RANBP1: variants seen among roughly 807,000 people sequenced by gnomAD.
RANBP1 encodes the protein RAN binding protein 1.
RANBP1 carries 16 observed loss-of-function variants against 31.4 expected under a neutral mutation model. The ratio of observed to expected loss-of-function variants is 0.51; its 90% confidence interval spans 0.34 to 0.77. The LOEUF (loss-of-function observed/expected upper bound fraction) is 0.77, where lower values mean the gene tolerates loss of function less well. Ranked by LOEUF, RANBP1 falls within the 30% of genes least tolerant of loss-of-function variation. RANBP1 has a pLI of 0.01. For missense variants in RANBP1, 265 were observed against 362.0 expected (o/e 0.73, Z 2.17); for synonymous variants, 129 against 140.5 (o/e 0.92, Z 0.58).
At chr22:20,118,225 T>A (rs1020897453) in intron 1 of RANBP1, 2 of 1,002,378 alleles carry the variant, frequency 2.0e-6, no homozygotes, top group African/African-American at 3.5e-5. Flanking sequence ...TGGGGAACAG[T>A]GAAGAGCAGC....
At chr22:20,126,187 A>T in intron 4 of RANBP1, 116 bp from the exon 5 acceptor site, 2 of 1,218,578 alleles carry the variant, frequency 1.6e-6, no homozygotes, top group Non-Finnish European at 2.3e-6. Flanking sequence ...GTCCTTTCTT[A>T]GGTCAGCAAT....
chr22:20,122,554 T>C lies in RANBP1; in HGVS notation c.541+133T>C. 2.6e-6 allele frequency: 4 copies of C among 1,560,538 alleles called. No individual in the cohort carries two copies. In the South Asian group the frequency reaches 4.7e-5, roughly 18 times the overall value. Reference sequence around the variant, plus strand: ...GCAAGTTTGTGGTGTGTTTGTTGAATTTAAAACCAGAAATACGTTTTTCAG... The same window carrying C: ...GCAAGTTTGTGGTGTGTTTGTTGAACTTAAAACCAGAAATACGTTTTTCAG... On this transcript the variant is annotated intron_variant, in intron 3 of 5. Transcript: ENST00000430524.
intron 1 of RANBP1, chr22:20,116,679 C>T: frequency 5.3e-6 from 8 of 1,496,074 alleles, no homozygotes; most frequent in Non-Finnish European, 7.1e-6. Flanking sequence ...CCCAAGCTTC[C>T]TTATGGGACA....
intron 2 of RANBP1, chr22:20,119,367 C>G: frequency 1.8e-6 from 1 of 553,446 alleles, no homozygotes; most frequent in Non-Finnish European, 3.2e-6. Context: ...GAAGGGCATC[C>G]CATCTTGCTG....
intron 1 of RANBP1, chr22:20,118,402 G>A: frequency 1.1e-6 from 1 of 948,586 alleles, no homozygotes; most frequent in Non-Finnish European, 1.3e-6. Context: ...GACTTTCACC[G>A]GTACAATTTA....
At chr22:20,121,655 C>T (rs2050174327) in intron 2 of RANBP1, among the ~76,000 whole-genome samples, 1 of 152,204 alleles carries the variant, frequency 6.6e-6, no homozygotes, top group Admixed American at 6.5e-5. Context: ...AGGGATCCTC[C>T]TCCCTCTGCC....
chr22:20,125,522 C>T (rs2050276259), intron 4 of RANBP1, 86 bp downstream of exon 4: 3 of 1,546,324 alleles, frequency 1.9e-6, no homozygotes, highest in East Asian at 2.4e-5. Flanking sequence ...ATGCTGTTGC[C>T]TTTTGGGGAG....
chr22:20,118,180 G>A, intron 1 of RANBP1: 1 of 1,002,058 alleles, frequency 1.0e-6, no homozygotes, highest in Non-Finnish European at 1.2e-6. Flanking sequence ...TGCGGTGTCT[G>A]GTTGAGTGCG....
At chr22:20,119,332 C>T in intron 2 of RANBP1, 183 bp downstream of exon 2, 1 of 610,498 alleles carries the variant, frequency 1.6e-6, no homozygotes, top group Non-Finnish European at 2.9e-6. Flanking sequence ...ACCAGATGCC[C>T]TTGCTGCCCT....
intron 1 of RANBP1, chr22:20,117,856 T>G (rs2050076356): frequency 9.9e-7 from 1 of 1,008,170 alleles, no homozygotes; most frequent in East Asian, 1.0e-4. Context: ...TTGGGGCGTT[T>G]GGGGGTGCAG....
chr22:20,124,826 A>AG (rs2050261135), intron 3 of RANBP1: 2 of 174,848 alleles, frequency 1.1e-5, no homozygotes, highest in Non-Finnish European at 2.4e-5. Context: ...GGGTTCCCTT[A>AG]GGAAAGACTG....
At chr22:20,122,200 TCCTGCGCAGGC>T in intron 2 of RANBP1, 53 bp from the exon 3 acceptor site, 1 of 1,568,458 alleles carries the variant, frequency 6.4e-7, no homozygotes, top group Admixed American at 1.7e-5. Context: ...TCCTGTGTCC[TCCTGCGCAGGC>T]CCTGCATGTG....
intron 1 of RANBP1, 164 bp downstream of exon 1, chr22:20,116,594 T>A: frequency 6.5e-7 from 1 of 1,548,172 alleles, no homozygotes; most frequent in Non-Finnish European, 8.7e-7. Context: ...TGGCCACAGC[T>A]CTCCATGGGC....
At chr22:20,122,505 G>T in intron 3 of RANBP1, 84 bp downstream of exon 3, 1 of 1,601,456 alleles carries the variant, frequency 6.2e-7, no homozygotes, top group Non-Finnish European at 8.5e-7. Context: ...ATTGGGAACT[G>T]GGGAGCGTGT....
At chr22:20,121,477 G>A (rs1257220039) in intron 2 of RANBP1, among the ~76,000 whole-genome samples, 1 of 151,978 alleles carries the variant, frequency 6.6e-6, no homozygotes, top group African/African-American at 2.4e-5. Context: ...TCGAACTCCC[G>A]ACGTCAGGTG....
chr22:20,117,189 G>T, intron 1 of RANBP1: 2 of 547,748 alleles, frequency 3.7e-6, no homozygotes, highest in Non-Finnish European at 6.1e-6. Context: ...GCCACTCTTA[G>T]TCCGCCAGCG....
chr22:20,125,099 T>C (rs73391907), intron 3 of RANBP1: 9,816 of 581,860 alleles, frequency 0.017, 740 homozygotes, highest in African/African-American at 0.16. Flanking sequence ...GTCCTGGTTT[T>C]AAGTGAATAT....
intron 2 of RANBP1, among the ~76,000 whole-genome samples, chr22:20,119,723 G>C (rs1381055055): frequency 6.6e-6 from 1 of 152,142 alleles, no homozygotes; most frequent in African/African-American, 2.4e-5. Flanking sequence ...CACCGTATTA[G>C]CCAGGATGGT....
At chr22:20,126,190 T>A (rs561107934) in intron 4 of RANBP1, 113 bp from the exon 5 acceptor site, 1 of 1,265,170 alleles carries the variant, frequency 7.9e-7, no homozygotes. Flanking sequence ...CTTTCTTAGG[T>A]CAGCAATTAC....
Sources: gnomAD v4.1 joint callset for allele counts (sites outside exome capture counted in the v4.1 genomes callset) on GRCh38, gnomAD v4.1.1 for gene constraint, MANE v1.5 for transcripts, NCBI Gene and HGNC (gene_info 2026-07-23, HGNC 2026-07-21) for gene names.